Variants in TPR observed in about 807,000 individuals in gnomAD.
The protein encoded by TPR is translocated promoter region, nuclear basket protein, also known as nucleoprotein TPR.
Under a neutral mutation model 316.1 loss-of-function variants are expected in TPR, and 51 were observed. The observed-to-expected ratio is 0.16, with a 90% CI of 0.13 to 0.20. The LOEUF is 0.20. TPR is among the 10% of genes least tolerant of loss of function. The pLI is 1.00. For missense variants in TPR, 2,272 were observed against 2,754.8 expected, an observed-to-expected ratio of 0.82 and a Z score of 3.92; for synonymous variants, 981 against 914.7, an observed-to-expected ratio of 1.07 and a Z score of -1.31.
intron 21 of TPR, among the ~76,000 whole-genome samples, chr1:186,348,598 C>T (rs886999787): frequency 6.6e-6 from 1 of 152,122 alleles, no homozygotes; most frequent in Admixed American, 6.5e-5. Flanking sequence ...CTTTTAAAAC[C>T]CTTAATAAAA....
intron 34 of TPR, 65 bp from the exon 35 acceptor site, chr1:186,335,194 A>G (rs1658301872): frequency 6.4e-7 from 1 of 1,564,418 alleles, no homozygotes; most frequent in Non-Finnish European, 8.7e-7. Flanking sequence ...ATGCCACAAA[A>G]AAATTGTCAT....
chr1:186,347,797 G>A lies in TPR; in HGVS notation c.2777-339C>T, dbSNP rs573705763. 5.0e-4 allele frequency among the ~76,000 whole-genome samples: 76 copies of A among 152,306 alleles called. 1 individual carries two copies. The highest frequency in any genetic ancestry group is 7.3e-4 in the Non-Finnish European group (50 of 68,028). On this transcript the variant is annotated intron_variant, in intron 21 of 50. Transcript: ENST00000367478. ...AATGTTACGGGAAGTCAGGGACCCC[G>A]AATGGAGGGAGCAGCTGGAGCCGTG...
Position 186,336,693 on chromosome 1 carries a change from G to C in TPR, c.4508C>G (p.Thr1503Arg), listed in dbSNP as rs1383691155. The change falls in exon 33 of 51, where the codon ACA (threonine) becomes AGA (arginine). Residue 1503 changes from threonine to arginine, a missense_variant and splice_region_variant. Around this residue, in one of 10 missense-constraint regions of TPR, gnomAD observed 101 missense variants for 113.0 expected, o/e 0.89. Coordinates refer to ENST00000367478, the MANE Select transcript of TPR (RefSeq NM_003292.3). ...LESQVENLQK[T>R]LSEKETEARN... ...TGCTTCTGTCTCTTTTTCAGATAAT[G>C]TCTTTAAAGGAAAACAAAGTATTCA... is the stretch of plus-strand genomic sequence containing the variant. 2.0e-5 allele frequency: 33 copies of C among 1,611,756 alleles called. No individual in the cohort carries two copies. Among genetic ancestry groups the C allele is most frequent in the Non-Finnish European group, 2.8e-5 (33 of 1,179,042 alleles).
rs755933243 is a variant in TPR at position 186,326,210 on chromosome 1, T to C, written c.5915A>G (p.Asp1972Gly). Reference sequence around the variant, plus strand: ...CCCTGTGTCATCTTCATCATCATCATCATCTTCCTCATCCTCTTCATAATC... The same window carrying C: ...CCCTGTGTCATCTTCATCATCATCACCATCTTCCTCATCCTCTTCATAATC... The part of the protein sequence containing the change: ...HEDYEEDEED[D>G]DDDEDDTGMG... The change falls in exon 41 of 51, where the codon GAT becomes GGT. Residue 1972 changes from aspartate (D) to glycine (G), a missense_variant. Transcript: ENST00000367478. The C allele has an allele frequency of 2.5e-6, 4 of 1,611,046 alleles. No individual in the cohort carries two copies. Among genetic ancestry groups the C allele is most frequent in the Non-Finnish European group, 3.4e-6 (4 of 1,178,016 alleles).
In TPR at chr1:186,312,138, A is replaced by AT; in HGVS notation, c.*1832dup. The AT allele has an allele frequency of 6.3e-7, 1 of 1,587,680 alleles. No individual in the cohort carries two copies. Among genetic ancestry groups the AT allele is most frequent in the Non-Finnish European group, 8.6e-7 (1 of 1,156,752 alleles). On this transcript the variant is annotated 3_prime_UTR_variant, in exon 51 of 51. Coordinates refer to ENST00000367478, the MANE Select transcript of TPR (RefSeq NM_003292.3). ...ACCTTTTCTGAGGGTATTAAAATTA[A>AT]TTTTCATTTTCCATGTGATATTCTA...
chr1:186,321,346 G>A (rs568773590), intron 45 of TPR, among the ~76,000 whole-genome samples: 2 of 152,302 alleles, frequency 1.3e-5, no homozygotes, highest in African/African-American at 4.8e-5. Context: ...ATCCTGTTAA[G>A]CAACTAATAC....
In TPR at chr1:186,373,482, A is replaced by G; in HGVS notation, c.152-19T>C. The G allele has an allele frequency of 6.7e-7, 1 of 1,502,322 alleles. No homozygotes were observed. The highest frequency in any genetic ancestry group is 9.2e-7 in the Non-Finnish European group (1 of 1,085,120). 93.1% of individuals were successfully genotyped at this position (1,502,322 alleles called of 1,614,324 possible). A position where few individuals can be genotyped will look rare whatever the true frequency, so the allele number is the denominator to read the frequency against. On this transcript the variant is annotated intron_variant, in intron 1 of 50. Transcript: ENST00000367478. ...TGTTGTTCTACAGCAGACAAGCAAA[A>G]AACAAAAAACAAAATCAAACACATG...
intron 13 of TPR, 125 bp downstream of exon 13, chr1:186,358,418 G>T: frequency 1.5e-6 from 1 of 662,878 alleles, no homozygotes; most frequent in Non-Finnish European, 2.5e-6. Context: ...CTCTGCTCGA[G>T]TACTATTCCT....
chr1:186,323,152 T>C (rs1245776836), intron 43 of TPR, among the ~76,000 whole-genome samples: 3 of 152,186 alleles, frequency 2.0e-5, no homozygotes, highest in African/African-American at 7.2e-5. Context: ...TTTGTACTTT[T>C]CCTACTCTTT....
chr1:186,344,201 G>A, intron 25 of TPR, 111 bp from the exon 26 acceptor site: 1 of 1,403,534 alleles, frequency 7.1e-7, no homozygotes. Flanking sequence ...TTGGGAGGCT[G>A]AGGCAGGAGA....
intron 4 of TPR, among the ~76,000 whole-genome samples, chr1:186,366,096 AG>A (rs1235958520): frequency 3.3e-5 from 5 of 152,248 alleles, no homozygotes; most frequent in Admixed American, 6.5e-5. Flanking sequence ...AAACGGTGGA[AG>A]GAAGATTGGT....
chr1:186,374,796 G>T, intron 1 of TPR, 82 bp downstream of exon 1: 1 of 1,458,968 alleles, frequency 6.9e-7, no homozygotes. Context: ...GCGGTACCCA[G>T]TGCCAACTTG....
At position 186,322,313 on chromosome 1, in the gene TPR, C is replaced by G. The variant is rs1437558303; in HGVS notation, c.6461+5G>C. On this transcript the variant is annotated splice_donor_5th_base_variant and intron_variant, in intron 45 of 50. Coordinates refer to ENST00000367478, the MANE Select transcript of TPR (RefSeq NM_003292.3). ...ATAAAGTATGTTTCTCTTTCATTAA[C>G]TTACTGAATTGCTTCAGCAAATCCA... is the stretch of plus-strand genomic sequence containing the variant. 1.2e-6 allele frequency: 2 copies of G among 1,604,106 alleles called. No individual in the cohort carries two copies. The highest frequency in any genetic ancestry group is 8.5e-7 in the Non-Finnish European group (1 of 1,176,952).
intron 15 of TPR, 42 bp downstream of exon 15, chr1:186,356,244 C>T (rs764244700): frequency 1.3e-6 from 2 of 1,512,428 alleles, no homozygotes; most frequent in Admixed American, 3.9e-5. Context: ...CCTTAATATA[C>T]ATTTCTAAAT....
At chr1:186,323,213 T>A (rs1031932401) in intron 43 of TPR, among the ~76,000 whole-genome samples, 1 of 152,206 alleles carries the variant, frequency 6.6e-6, no homozygotes, top group Non-Finnish European at 1.5e-5. Context: ...ATGCTAAATA[T>A]AAGGGGTCAT....
In TPR at chr1:186,327,614, G is replaced by T; in HGVS notation, c.5735C>A (p.Thr1912Asn). ...AAGATCTATTTGTAGAGACTGAGAG[G>T]TTTCTTCACTGTCTTCCATAGGTGT... ...DYTPMEDSEETSQSLQIDLGP... is the reference protein window; with the variant it reads ...DYTPMEDSEENSQSLQIDLGP... The change falls in exon 40 of 51, where the codon ACC becomes AAC. Residue 1912 changes from threonine (T) to asparagine (N), a missense_variant. Physicochemically the swap from Thr to Asn is moderately conservative, Grantham distance 65 (BLOSUM62 0). This residue lies in a region of TPR where 435 missense variants were observed against 461.1 expected (regional missense o/e 0.94). Transcript: ENST00000367478. 1 of 1,612,904 alleles carries T rather than the reference G, an allele frequency of 6.2e-7. No individual in the cohort carries two copies. The highest frequency in any genetic ancestry group is 8.5e-7 in the Non-Finnish European group (1 of 1,179,730).
intron 15 of TPR, among the ~76,000 whole-genome samples, chr1:186,355,981 T>A (rs1400069299): frequency 6.6e-6 from 1 of 152,192 alleles, no homozygotes; most frequent in Admixed American, 6.5e-5. Flanking sequence ...TATTTATGGG[T>A]TAAAACATAA....
At chr1:186,332,498 G>A (rs1395883768) in intron 37 of TPR, among the ~76,000 whole-genome samples, 155 bp from the exon 38 acceptor site, 1 of 152,088 alleles carries the variant, frequency 6.6e-6, no homozygotes, top group Admixed American at 6.6e-5. Flanking sequence ...CTAGATCAAT[G>A]TCCATCAACA....
At position 186,313,526 on chromosome 1, in the gene TPR, GTTTTTC is replaced by G. The variant is rs1657438847; in HGVS notation, c.*439_*444del. On this transcript the variant is annotated 3_prime_UTR_variant, in exon 51 of 51. Coordinates refer to ENST00000367478, the MANE Select transcript of TPR (RefSeq NM_003292.3). ...AAAAAGCTGAAAAGTCTAGGCAATT[GTTTTTC>G]TTTTTGTTATAAAGTTCAAATTAAT... The G allele has an allele frequency of 1.7e-6, 1 of 579,742 alleles. No individual in the cohort carries two copies. The highest frequency in any genetic ancestry group is 2.9e-5 in the East Asian group (1 of 35,036). 35.9% of individuals were successfully genotyped at this position (579,742 alleles called of 1,614,324 possible).
Sources: gnomAD v4.1 joint callset for allele counts (sites outside exome capture counted in the v4.1 genomes callset) on GRCh38, gnomAD v4.1.1 for gene constraint, gnomAD v4.1.1 regional missense constraint, MANE v1.5 for transcripts, NCBI Gene and HGNC (gene_info 2026-07-23, HGNC 2026-07-21) for gene names.